Variants in UBE3D observed in about 807,000 individuals in gnomAD.
UBE3D encodes the protein ubiquitin protein ligase E3D.
Under a neutral mutation model 49.6 loss-of-function variants are expected in UBE3D, and 48 were observed. The observed-to-expected ratio is 0.97, with a 90% CI of 0.77 to 1.23. UBE3D has a LOEUF of 1.23. UBE3D is among the 50% of genes most tolerant of loss of function. The pLI is 0.00. For synonymous variants in UBE3D, 189 were observed against 174.2 expected (o/e 1.08, Z -0.67); for missense variants, 452 against 468.4 (o/e 0.96, Z 0.32).
chr6:83,054,102 A>C (rs1783653037), intron 3 of UBE3D, 46 bp downstream of exon 3: 1 of 1,486,854 alleles, frequency 6.7e-7, no homozygotes, highest in Admixed American at 1.7e-5. Context: ...AAAAGAGATA[A>C]CCATTGCCAG....
At chr6:83,044,056 T>G (rs1270994339) in intron 4 of UBE3D, among the ~76,000 whole-genome samples, 3 of 152,180 alleles carry the variant, frequency 2.0e-5, no homozygotes, top group Admixed American at 6.5e-5. Context: ...CCTAATAGTA[T>G]AGTAGATATC....
intron 9 of UBE3D, among the ~76,000 whole-genome samples, chr6:82,955,353 C>T (rs1310111450): frequency 2.0e-5 from 3 of 152,164 alleles, no homozygotes; most frequent in Admixed American, 2.0e-4. Flanking sequence ...TCTATTTCCC[C>T]CAATACGCCG....
At chr6:82,893,661 G>C (rs1015439343) in intron 9 of UBE3D, among the ~76,000 whole-genome samples, 1 of 152,158 alleles carries the variant, frequency 6.6e-6, no homozygotes, top group Non-Finnish European at 1.5e-5. Context: ...TAGTTCAGGG[G>C]TGACAATAAA....
At chr6:82,898,170 C>T (rs1771468931) in intron 9 of UBE3D, among the ~76,000 whole-genome samples, 1 of 152,158 alleles carries the variant, frequency 6.6e-6, no homozygotes, top group African/African-American at 2.4e-5. Context: ...ATTAAAAAGT[C>T]AGGAAACAAC....
chr6:82,898,787 T>C (rs908518772), intron 9 of UBE3D, among the ~76,000 whole-genome samples: 2 of 152,100 alleles, frequency 1.3e-5, no homozygotes, highest in Non-Finnish European at 1.5e-5. Context: ...GTAACAAAAC[T>C]GCACATTCTG....
intron 8 of UBE3D, among the ~76,000 whole-genome samples, chr6:83,010,083 A>C (rs1025302702): frequency 7.2e-5 from 11 of 152,144 alleles, no homozygotes; most frequent in African/African-American, 2.4e-4. Context: ...CAAGAAGACA[A>C]ACATGAATCT....
Position 82,892,393 on chromosome 6 carries a change from C to A in UBE3D, c.*629G>T, listed in dbSNP as rs185155052. ...CACAAAGAATAGAACAACTCTGTAA[C>A]GGGATGCTAGTGAGGTATATTTATT... is the stretch of plus-strand genomic sequence containing the variant. On this transcript the variant is annotated 3_prime_UTR_variant, in exon 10 of 10. Transcript: ENST00000369747. The A allele has an allele frequency of 6.4e-6, 1 of 156,076 alleles. No individual in the cohort carries two copies. Among genetic ancestry groups the A allele is most frequent in the African/African-American group, 2.4e-5 (1 of 41,406 alleles). The allele number at this position is 156,076 out of a possible 1,614,324, so 9.7% of individuals were successfully genotyped here.
chr6:82,933,275 C>A (rs1346548104), intron 9 of UBE3D, among the ~76,000 whole-genome samples: 2 of 152,156 alleles, frequency 1.3e-5, no homozygotes, highest in African/African-American at 4.8e-5. Flanking sequence ...TCCTAAGCAG[C>A]AAATGGCAAG....
chr6:82,984,871 G>A (rs986008759), intron 8 of UBE3D, among the ~76,000 whole-genome samples: 2 of 151,948 alleles, frequency 1.3e-5, no homozygotes, highest in African/African-American at 4.8e-5. Flanking sequence ...GGAGTTCAGT[G>A]GTGATTATGG....
chr6:82,882,319 A>G, the UBE3D span, among the ~76,000 whole-genome samples: 1 of 152,218 alleles, frequency 6.6e-6, no homozygotes, highest in African/African-American at 2.4e-5. Context: ...ACCAAAATAA[A>G]GGCTTTATCG....
At chr6:82,977,415 A>G (rs1777807786) in intron 8 of UBE3D, among the ~76,000 whole-genome samples, 1 of 152,022 alleles carries the variant, frequency 6.6e-6, no homozygotes, top group African/African-American at 2.4e-5. Context: ...CCATCTATCC[A>G]CCTACATTCT....
At chr6:82,912,968 A>T (rs293489) in intron 9 of UBE3D, among the ~76,000 whole-genome samples, 101,653 of 152,126 alleles carry the variant, frequency 0.67, 34,563 homozygotes, top group East Asian at 0.79. Context: ...AGCCACAGTA[A>T]CAATAAACCT....
At chr6:83,022,090 C>T (rs540304772) in intron 7 of UBE3D, among the ~76,000 whole-genome samples, 1 of 151,780 alleles carries the variant, frequency 6.6e-6, no homozygotes, top group Non-Finnish European at 1.5e-5. Flanking sequence ...GCAGCGGCAC[C>T]ATCTTGGCTC....
intron 9 of UBE3D, among the ~76,000 whole-genome samples, chr6:82,944,340 T>C (rs1168442906): frequency 6.6e-6 from 1 of 152,118 alleles, no homozygotes; most frequent in East Asian, 1.9e-4. Context: ...CTGGATGACA[T>C]TTGTAGACAT....
intron 5 of UBE3D, chr6:83,032,402 T>C (rs993633834): frequency 6.2e-5 from 24 of 385,332 alleles, no homozygotes; most frequent in Admixed American, 5.1e-4. Context: ...CTTTAGCCCC[T>C]TTGATTTGGC....
At chr6:82,894,582 C>T (rs554813853) in intron 9 of UBE3D, among the ~76,000 whole-genome samples, 6 of 152,294 alleles carry the variant, frequency 3.9e-5, no homozygotes, top group African/African-American at 1.4e-4. Context: ...GTAGAGCCGC[C>T]AACTCCCTCT....
At chr6:82,937,263 A>C (rs1345548251) in intron 9 of UBE3D, among the ~76,000 whole-genome samples, 1 of 152,082 alleles carries the variant, frequency 6.6e-6, no homozygotes, top group Non-Finnish European at 1.5e-5. Context: ...CACCTTCCAA[A>C]CTACATTCCC....
rs1038475994 is a variant in UBE3D, at chr6:82,993,219, A to C, written c.1010+25754T>G. Among the ~76,000 whole-genome samples the C allele has an allele frequency of 3.3e-5, 5 of 152,264 alleles. No individual in the cohort carries two copies. In the South Asian group the frequency reaches 8.3e-4, roughly 25 times the overall value. Reference sequence around the variant, plus strand: ...AAGTATATTAATTTTAAATGCATAAATATAAATTCTCTTCCTTTGATGTAC... The same window carrying C: ...AAGTATATTAATTTTAAATGCATAACTATAAATTCTCTTCCTTTGATGTAC... On this transcript the variant is annotated intron_variant, in intron 8 of 9. Coordinates refer to ENST00000369747, the MANE Select transcript of UBE3D (RefSeq NM_198920.3).
chr6:83,018,041 G>C lies in UBE3D; in HGVS notation c.1010+932C>G, dbSNP rs920844038. The C allele has an allele frequency of 2.0e-5, 3 of 152,088 alleles. No individual in the cohort carries two copies. The East Asian group carries it at 5.8e-4, about 29-fold the overall frequency. The allele number at this position is 152,088 out of a possible 1,614,324, so 9.4% of individuals were successfully genotyped here. On this transcript the variant is annotated intron_variant, in intron 8 of 9. Coordinates refer to ENST00000369747, the MANE Select transcript of UBE3D (RefSeq NM_198920.3). ...AACAAACGTTTTACTTCTGGAGCGGGATATAATTTTACCTTGTATATATCT... is the reference window on the plus strand; with the variant it reads ...AACAAACGTTTTACTTCTGGAGCGGCATATAATTTTACCTTGTATATATCT...
Sources: gnomAD v4.1 joint callset for allele counts (sites outside exome capture counted in the v4.1 genomes callset) on GRCh38, gnomAD v4.1.1 for gene constraint, MANE v1.5 for transcripts, NCBI Gene and HGNC (gene_info 2026-07-23, HGNC 2026-07-21) for gene names.